MICU3: variants seen among roughly 807,000 people sequenced by gnomAD.
The protein encoded by MICU3 is mitochondrial calcium uptake 3.
MICU3 carries 62 observed loss-of-function variants against 66.5 expected under a neutral mutation model. The ratio of observed to expected loss-of-function variants is 0.93; its 90% CI spans 0.76 to 1.15. The LOEUF is 1.15. MICU3 is among the 50% of genes most tolerant of loss of function. The pLI, the probability that MICU3 is intolerant of heterozygous loss-of-function variation, is 0.00. For missense variants in MICU3, 779 were observed against 664.4 expected (o/e 1.17, Z -1.90); for synonymous variants, 308 against 240.7 (o/e 1.28, Z -2.59).
intron 13 of MICU3, 67 bp downstream of exon 13, chr8:17,116,667 GT>G (rs1203922676): frequency 8.7e-7 from 1 of 1,155,978 alleles, no homozygotes; most frequent in African/African-American, 1.6e-5. Flanking sequence ...ATCCATCTAA[GT>G]TGAGAAATAA....
rs958831397 is a variant in MICU3 at position 17,060,396 on chromosome 8, C to T, written c.382-3688C>T. Among the ~76,000 whole-genome samples the T allele has an allele frequency of 7.9e-5, 12 of 151,478 alleles. No homozygotes were observed. In the South Asian group the frequency reaches 1.0e-3, roughly 13 times the overall value. On this transcript the variant is annotated intron_variant, in intron 1 of 14. Transcript: ENST00000318063. ...ACTGCAGCCTCTGCCTCCCGGGTTA[C>T]GAGTGATTTCAAGTGATTCTCCTGC...
chr8:17,043,339 A>G (rs1051654155), intron 1 of MICU3, among the ~76,000 whole-genome samples: 1 of 152,178 alleles, frequency 6.6e-6, no homozygotes, highest in Non-Finnish European at 1.5e-5. Flanking sequence ...TAGTTATTTT[A>G]AAATAATATC....
At chr8:17,137,230 A>G in the MICU3 span, among the ~76,000 whole-genome samples, 1 of 152,054 alleles carries the variant, frequency 6.6e-6, no homozygotes, top group Non-Finnish European at 1.5e-5. Context: ...TTGGCTTATC[A>G]GTGCCATGAG....
chr8:17,093,656 C>T (rs1032427872), intron 8 of MICU3, among the ~76,000 whole-genome samples: 11 of 151,664 alleles, frequency 7.3e-5, no homozygotes, highest in African/African-American at 2.2e-4. Flanking sequence ...ATTGTTGTTA[C>T]CTGTATAAGA....
intron 1 of MICU3, among the ~76,000 whole-genome samples, chr8:17,038,256 T>C (rs1813394216): frequency 6.6e-6 from 1 of 152,176 alleles, no homozygotes; most frequent in African/African-American, 2.4e-5. Context: ...CCACGTGTCA[T>C]GGGAGGGACC....
At chr8:17,073,681 G>T (rs1406950698) in intron 3 of MICU3, among the ~76,000 whole-genome samples, 1 of 152,118 alleles carries the variant, frequency 6.6e-6, no homozygotes, top group Admixed American at 6.5e-5. Flanking sequence ...GTGCCAAAAA[G>T]GTTGGGGACT....
At chr8:17,126,914 C>G (rs890573937), downstream of MICU3, among the ~76,000 whole-genome samples, 1 of 152,188 alleles carries the variant, frequency 6.6e-6, no homozygotes, top group African/African-American at 2.4e-5. Flanking sequence ...CAGCTACACT[C>G]TCTGACACAG....
intron 1 of MICU3, among the ~76,000 whole-genome samples, chr8:17,047,006 G>T (rs1815207618): frequency 6.6e-6 from 1 of 152,140 alleles, no homozygotes; most frequent in South Asian, 2.1e-4. Context: ...AAATCTAGAT[G>T]AGAATGAGCT....
At chr8:17,035,288 G>C (rs189059154) in intron 1 of MICU3, among the ~76,000 whole-genome samples, 2 of 152,208 alleles carry the variant, frequency 1.3e-5, no homozygotes, top group Non-Finnish European at 2.9e-5. Flanking sequence ...TACTGGTAGA[G>C]GGGGGTGCTG....
At chr8:17,130,633 T>A in the MICU3 span, among the ~76,000 whole-genome samples, 1 of 151,978 alleles carries the variant, frequency 6.6e-6, no homozygotes, top group Non-Finnish European at 1.5e-5. Flanking sequence ...TAAATAGAAG[T>A]ATACTGTTGT....
intron 3 of MICU3, among the ~76,000 whole-genome samples, chr8:17,076,689 G>A (rs147812458): frequency 7.2e-5 from 11 of 152,286 alleles, no homozygotes; most frequent in Admixed American, 2.0e-4. Flanking sequence ...GTACAGCTGC[G>A]TCAGAAATGG....
intron 8 of MICU3, among the ~76,000 whole-genome samples, chr8:17,091,050 T>A (rs1258049042): frequency 6.6e-6 from 1 of 152,050 alleles, no homozygotes; most frequent in Non-Finnish European, 1.5e-5. Context: ...TTTCAAAGCC[T>A]TTGTTTCCTG....
At chr8:17,034,595 T>C (rs1812663109) in intron 1 of MICU3, among the ~76,000 whole-genome samples, 1 of 152,168 alleles carries the variant, frequency 6.6e-6, no homozygotes, top group Non-Finnish European at 1.5e-5. Context: ...GTATCAACAT[T>C]AGTAGGAGTT....
chr8:17,084,059 G>C (rs1821585750), intron 5 of MICU3, among the ~76,000 whole-genome samples: 2 of 151,996 alleles, frequency 1.3e-5, no homozygotes, highest in African/African-American at 2.4e-5. Flanking sequence ...CTTCTAAGGA[G>C]GTTGAATTGA....
At chr8:17,036,931 AT>A (rs1813113485) in intron 1 of MICU3, among the ~76,000 whole-genome samples, 1 of 152,214 alleles carries the variant, frequency 6.6e-6, no homozygotes, top group Admixed American at 6.5e-5. Flanking sequence ...AGGCTCAGGC[AT>A]GGCGGGCTGC....
chr8:17,067,327 T>C (rs1161684484), intron 2 of MICU3, among the ~76,000 whole-genome samples: 1 of 152,208 alleles, frequency 6.6e-6, no homozygotes, highest in Non-Finnish European at 1.5e-5. Flanking sequence ...TCATGAAGTT[T>C]TTCTTGAAGA....
At chr8:17,074,378 T>C (rs1741665489) in intron 3 of MICU3, among the ~76,000 whole-genome samples, 1 of 152,206 alleles carries the variant, frequency 6.6e-6, no homozygotes. Flanking sequence ...GTGAAGAGTT[T>C]CCTTTCAGAA....
chr8:17,091,736 G>A (rs1223864005), intron 8 of MICU3, among the ~76,000 whole-genome samples: 1 of 152,008 alleles, frequency 6.6e-6, no homozygotes, highest in African/African-American at 2.4e-5. Flanking sequence ...TTTCCATTAA[G>A]TAAAGCCTGT....
chr8:17,096,884 C>T (rs955680647), intron 8 of MICU3, among the ~76,000 whole-genome samples: 9 of 150,774 alleles, frequency 6.0e-5, no homozygotes, highest in African/African-American at 2.0e-4. Flanking sequence ...AATATATTTA[C>T]TTCTTTTTCT....
Sources: gnomAD v4.1 joint callset for allele counts (sites outside exome capture counted in the v4.1 genomes callset) on GRCh38, gnomAD v4.1.1 for gene constraint, MANE v1.5 for transcripts, NCBI Gene and HGNC (gene_info 2026-07-23, HGNC 2026-07-21) for gene names.